The following QKI variants were observed in gnomAD, a reference collection of about 807,000 sequenced individuals.
The protein encoded by QKI is QKI, KH domain containing RNA binding, also known as KH domain-containing RNA-binding protein QKI.
A neutral mutation model predicts 39.0 loss-of-function variants in QKI; 10 were observed. The ratio of observed to expected loss-of-function variants is 0.26; its 90% CI spans 0.16 to 0.43. QKI has a LOEUF of 0.43. Ranked by LOEUF, QKI falls within the 20% of genes least tolerant of loss-of-function variation. The probability of loss-of-function intolerance (pLI) is 1.00; values close to 1 mark genes in which losing one functional copy is unlikely to be tolerated. For missense variants in QKI, 218 were observed against 428.0 expected (o/e 0.51, Z 4.33); for synonymous variants, 204 against 155.4 (o/e 1.31, Z -2.33).
At chr6:163,453,976 TAA>T in intron 1 of QKI, among the ~76,000 whole-genome samples, 2 of 152,260 alleles carry the variant, frequency 1.3e-5, no homozygotes, top group Middle Eastern at 6.8e-3. Flanking sequence ...TTAGAAAAAT[TAA>T]AGAGTGCCTT....
At chr6:163,482,388 AAACAAATCT>A (rs1562476091) in intron 3 of QKI, among the ~76,000 whole-genome samples, 1 of 152,128 alleles carries the variant, frequency 6.6e-6, no homozygotes, top group East Asian at 1.9e-4. Flanking sequence ...CCCACAAACC[AAACAAATCT>A]CCAGAAAACA....
chr6:163,510,797 T>G (rs1188931137), intron 3 of QKI, among the ~76,000 whole-genome samples: 1 of 152,152 alleles, frequency 6.6e-6, no homozygotes, highest in Non-Finnish European at 1.5e-5. Flanking sequence ...GCAGAATGAC[T>G]TAATACATGA....
At chr6:163,487,540 A>G (rs1040105135) in intron 3 of QKI, among the ~76,000 whole-genome samples, 2 of 152,218 alleles carry the variant, frequency 1.3e-5, no homozygotes, top group African/African-American at 2.4e-5. Flanking sequence ...TTTAATGAGC[A>G]TACAAATGAG....
intron 2 of QKI, among the ~76,000 whole-genome samples, chr6:163,467,461 A>C (rs762187724): frequency 2.0e-5 from 3 of 152,180 alleles, no homozygotes; most frequent in African/African-American, 7.2e-5. Flanking sequence ...AACAGTTACT[A>C]TTTCCACTTT....
chr6:163,556,503 C>CAAAAAAAAAAAAAAAAAAAACAA (rs1782625158), intron 4 of QKI, among the ~76,000 whole-genome samples: 3 of 83,084 alleles, frequency 3.6e-5, no homozygotes, highest in Non-Finnish European at 7.6e-5. Flanking sequence ...AATTCCACCT[C>CAAAAAAAAAAAAAAAAAAAACAA]AAAAAAAAAA....
intron 2 of QKI, among the ~76,000 whole-genome samples, chr6:163,477,598 T>A (rs1214492561): frequency 6.6e-6 from 1 of 152,188 alleles, no homozygotes; most frequent in Admixed American, 6.5e-5. Context: ...TTAGCAGATT[T>A]CAGAATCTAG....
chr6:163,430,881 A>C (rs1056921341), intron 1 of QKI, among the ~76,000 whole-genome samples: 1 of 152,230 alleles, frequency 6.6e-6, no homozygotes, highest in Non-Finnish European at 1.5e-5. Flanking sequence ...CCTGTAGTCC[A>C]GGAAGTTCTG....
At chr6:163,495,853 T>C (rs192646455) in intron 3 of QKI, among the ~76,000 whole-genome samples, 1 of 152,346 alleles carries the variant, frequency 6.6e-6, no homozygotes, top group East Asian at 1.9e-4. Context: ...AGTTAGATGA[T>C]GTCAATTTGC....
intron 3 of QKI, among the ~76,000 whole-genome samples, chr6:163,528,382 G>A (rs896105083): frequency 3.9e-5 from 6 of 152,092 alleles, no homozygotes; most frequent in South Asian, 2.1e-4. Flanking sequence ...TCTCATGTAG[G>A]TGATATGTTG....
At chr6:163,463,178 AAACT>A (rs1400651617) in intron 2 of QKI, among the ~76,000 whole-genome samples, 8 of 152,214 alleles carry the variant, frequency 5.3e-5, no homozygotes, top group East Asian at 1.9e-4. Flanking sequence ...AATAATGAGA[AAACT>A]AACCATGAAT....
intron 1 of QKI, among the ~76,000 whole-genome samples, chr6:163,416,685 T>G (rs1787534720): frequency 6.6e-6 from 1 of 152,160 alleles, no homozygotes; most frequent in Non-Finnish European, 1.5e-5. Flanking sequence ...AGAAACAACT[T>G]AAAAGTAGAA....
chr6:163,566,967 G>A (rs1308132858), intron 7 of QKI, 172 bp downstream of exon 7: 4 of 1,373,142 alleles, frequency 2.9e-6, no homozygotes, highest in Non-Finnish European at 3.7e-6. Flanking sequence ...TTTTGTTTTG[G>A]TTTGGTTTTT....
intron 4 of QKI, among the ~76,000 whole-genome samples, chr6:163,553,841 G>T (rs569647789): frequency 4.6e-5 from 7 of 152,132 alleles, no homozygotes; most frequent in Non-Finnish European, 1.0e-4. Flanking sequence ...AATGGAGGAG[G>T]AGCATCATAT....
chr6:163,518,962 G>A (rs1779991880), intron 3 of QKI, among the ~76,000 whole-genome samples: 1 of 152,164 alleles, frequency 6.6e-6, no homozygotes, highest in Non-Finnish European at 1.5e-5. Flanking sequence ...GGTATTTAGA[G>A]TTACACACCT....
chr6:163,531,315 T>C (rs1008067021), intron 3 of QKI, among the ~76,000 whole-genome samples: 4 of 152,216 alleles, frequency 2.6e-5, no homozygotes, highest in African/African-American at 9.6e-5. Context: ...GAAGTTACCC[T>C]GTCAACTGTT....
chr6:163,564,780 C>T, intron 6 of QKI: 1 of 1,608,748 alleles, frequency 6.2e-7, no homozygotes, highest in East Asian at 2.2e-5. Context: ...CAAACTGTTT[C>T]TGTGCAACCC....
At chr6:163,468,876 G>A (rs1460292587) in intron 2 of QKI, among the ~76,000 whole-genome samples, 1 of 151,264 alleles carries the variant, frequency 6.6e-6, no homozygotes, top group Non-Finnish European at 1.5e-5. Flanking sequence ...CCTGGAAATT[G>A]GTTGCAGTAG....
At position 163,571,695 on chromosome 6, in the gene QKI, A is replaced by G. The variant is rs1583241154; in HGVS notation, c.*985A>G. On this transcript the variant is annotated 3_prime_UTR_variant, in exon 8 of 8. Coordinates refer to ENST00000361752, the MANE Select transcript of QKI (RefSeq NM_006775.3). ...AAAATATATATATTTTTGGAAATGT[A>G]GCATTTTATACTTTCAAGTGTTATA... is the stretch of plus-strand genomic sequence containing the variant. 1 of 147,116 alleles carries G rather than the reference A, an allele frequency of 6.8e-6. No homozygotes were observed. Among genetic ancestry groups the G allele is most frequent in the South Asian group, 2.2e-4 (1 of 4,590 alleles). The allele number at this position is 147,116 out of a possible 1,614,324, so 9.1% of individuals were successfully genotyped here.
In QKI at chr6:163,415,287, C is replaced by G; in HGVS notation, c.94C>G (p.Pro32Ala). 1 of 1,594,900 alleles carries G rather than the reference C, an allele frequency of 6.3e-7. No homozygotes were observed. The change falls in exon 1 of 8, where the codon CCC becomes GCC. Residue 32 changes from proline (P) to alanine (A), a missense_variant. Around this residue, in one of 3 missense-constraint regions of QKI, gnomAD observed 40 missense variants for 48.7 expected, o/e 0.82. Transcript: ENST00000361752. ...MNDKKLMSSL[P>A]NFCGIFNHLE... ...CGACAAGAAGCTCATGAGCAGCCTG[C>G]CCAACTTCTGCGGGATCTTCAACCA...
Sources: gnomAD v4.1 joint callset for allele counts (sites outside exome capture counted in the v4.1 genomes callset) on GRCh38, gnomAD v4.1.1 for gene constraint, gnomAD v4.1.1 regional missense constraint, MANE v1.5 for transcripts, NCBI Gene and HGNC (gene_info 2026-07-23, HGNC 2026-07-21) for gene names.